The following BLOC1S3 variants were observed in gnomAD, a reference collection of about 807,000 sequenced individuals.
BLOC1S3 encodes the protein biogenesis of lysosomal organelles complex 1 subunit 3.
BLOC1S3 carries 7 observed loss-of-function variants against 9.1 expected under a neutral mutation model. That is an observed-to-expected ratio of 0.77 (90% CI 0.44 to 1.45). The LOEUF is 1.45. Ranked by LOEUF, BLOC1S3 falls within the 40% of genes most tolerant of loss-of-function variation. The pLI, the probability that BLOC1S3 is intolerant of heterozygous loss-of-function variation, is 0.01. For missense variants in BLOC1S3, 307 were observed against 315.2 expected (o/e 0.97, Z 0.20); for synonymous variants, 145 against 158.4 (o/e 0.92, Z 0.64).
rs1305176523 is a variant in BLOC1S3, at chr19:45,179,650, G to A, written c.354G>A (p.Ala118=). The A allele has an allele frequency of 1.5e-5, 22 of 1,469,346 alleles. No homozygotes were observed. Among genetic ancestry groups the A allele is most frequent in the Non-Finnish European group, 1.8e-5 (20 of 1,116,556 alleles). The allele number at this position is 1,469,346 out of a possible 1,614,324, so 91.0% of individuals were successfully genotyped here. Residue 118 remains alanine, a synonymous_variant, in exon 2 of 2, where the codon GCG becomes GCA. Coordinates refer to ENST00000433642, the MANE Select transcript of BLOC1S3 (RefSeq NM_212550.5). This position sits in a 1 kb window ranked among gnomAD's most constrained non-coding sequence, Gnocchi z 4.6. ...AACTTCGGCTGGCGGAGAGCCAGGC[G>A]CGGCTGGACCACGACGTGGCGGCCG... ...LLQLRLAESQ[A]RLDHDVAAAV...
chr19:45,191,742 G>A (rs545279684), intron 2 of BLOC1S3, among the ~76,000 whole-genome samples: 1 of 152,356 alleles, frequency 6.6e-6, no homozygotes, highest in South Asian at 2.1e-4. Context: ...GGATTATCAG[G>A]CAGAGATTCT....
chr19:45,213,674 G>A (rs913403823), intron 3 of BLOC1S3, among the ~76,000 whole-genome samples: 5 of 152,092 alleles, frequency 3.3e-5, no homozygotes, highest in South Asian at 2.1e-4. Flanking sequence ...GCTGGGTGCC[G>A]TGGCTCATGC....
chr19:45,210,914 C>T (rs1327485633), intron 3 of BLOC1S3, among the ~76,000 whole-genome samples: 1 of 151,994 alleles, frequency 6.6e-6, no homozygotes, highest in Non-Finnish European at 1.5e-5. Flanking sequence ...GGCTTGAGGC[C>T]AACCTGGTCA....
intron 3 of BLOC1S3, among the ~76,000 whole-genome samples, chr19:45,215,237 G>A (rs1480257361): frequency 1.3e-5 from 2 of 152,148 alleles, no homozygotes; most frequent in Non-Finnish European, 2.9e-5. Flanking sequence ...GTGGGAAGCC[G>A]AGGCAGGCAG....
intron 3 of BLOC1S3, among the ~76,000 whole-genome samples, chr19:45,208,227 C>T (rs1447525717): frequency 6.6e-6 from 1 of 151,970 alleles, no homozygotes; most frequent in African/African-American, 2.4e-5. Flanking sequence ...CCTCCTTGAC[C>T]TCCCAAAGTG....
At chr19:45,192,995 T>C (rs1228052566) in intron 2 of BLOC1S3, among the ~76,000 whole-genome samples, 2 of 150,640 alleles carry the variant, frequency 1.3e-5, no homozygotes, top group Non-Finnish European at 3.0e-5. Flanking sequence ...TAGCCGGGTG[T>C]TGTGGCACAC....
At chr19:45,211,133 C>T (rs1370299717) in intron 3 of BLOC1S3, among the ~76,000 whole-genome samples, 1 of 151,844 alleles carries the variant, frequency 6.6e-6, no homozygotes, top group Admixed American at 6.6e-5. Context: ...TAATAAATGT[C>T]TATGGACTGC....
chr19:45,211,994 C>T (rs1188854509), intron 3 of BLOC1S3, among the ~76,000 whole-genome samples: 2 of 152,138 alleles, frequency 1.3e-5, no homozygotes, highest in African/African-American at 4.8e-5. Context: ...CTGCGTCAAC[C>T]CAGGAGGGCG....
intron 2 of BLOC1S3, among the ~76,000 whole-genome samples, chr19:45,200,008 C>G (rs886878465): frequency 6.6e-6 from 1 of 151,992 alleles, no homozygotes; most frequent in South Asian, 2.1e-4. Context: ...TCAGGTGATC[C>G]AACCACTTCA....
At position 45,207,555 on chromosome 19, in the gene BLOC1S3, C is replaced by CAA. The variant is rs58164218; in HGVS notation, n.282+5078_282+5079dup. Among the ~76,000 whole-genome samples, 619 of 64,656 alleles carry CAA rather than the reference C, an allele frequency of 9.6e-3. 33 individuals are homozygous for CAA. Among genetic ancestry groups the CAA allele is most frequent in the Non-Finnish European group, 0.015 (419 of 27,860 alleles). The allele number at this position is 64,656 out of a possible 152,430, so 42.4% of individuals were successfully genotyped here. A position where few individuals can be genotyped will look rare whatever the true frequency, so the allele number is the denominator to read the frequency against. Reference sequence around the variant, plus strand: ...TGGGTGACAGAGCGAGACTCTGTCTCAAAAAAAAAAAAAAAAAAAAAAAAA... The same window carrying CAA: ...TGGGTGACAGAGCGAGACTCTGTCTCAAAAAAAAAAAAAAAAAAAAAAAAAAA... On this transcript the variant is annotated intron_variant and non_coding_transcript_variant, in intron 3 of 3. Coordinates refer to the BLOC1S3 transcript ENST00000591569.
chr19:45,206,177 G>A (rs112261488), intron 3 of BLOC1S3, among the ~76,000 whole-genome samples: 124 of 151,952 alleles, frequency 8.2e-4, no homozygotes, highest in African/African-American at 2.6e-3. Flanking sequence ...GTTAAACCCC[G>A]TATCTAGTAA....
In BLOC1S3 at chr19:45,179,724, C is replaced by T. The variant is rs557005035; in HGVS notation, c.428C>T (p.Ala143Val). Residue 143 changes from alanine to valine, a missense_variant, in exon 2 of 2, where the codon GCT becomes GTT. Transcript: ENST00000433642. This position sits in a 1 kb window ranked among gnomAD's most constrained non-coding sequence, Gnocchi z 4.6. ...RRAGRDVAAL[A>V]SRLAAAQAAG... ...GCAGGCCGCGACGTGGCCGCCCTGG[C>T]TAGTAGGCTGGCGGCAGCCCAGGCG... The T allele has an allele frequency of 2.3e-5, 34 of 1,463,748 alleles. No individual in the cohort carries two copies. The highest frequency in any genetic ancestry group is 3.0e-5 in the African/African-American group (2 of 67,484). The allele number at this position is 1,463,748 out of a possible 1,614,324, so 90.7% of individuals were successfully genotyped here.
intron 2 of BLOC1S3, among the ~76,000 whole-genome samples, chr19:45,202,210 TAAAAAAAAAAAAAA>T (rs59295257): frequency 1.8e-5 from 1 of 54,932 alleles, no homozygotes; most frequent in South Asian, 1.2e-3. Context: ...AGACTCCATC[TAAAAAAAAAAAAAA>T]AAAAAAAAAA....
intron 3 of BLOC1S3, chr19:45,216,024 G>T: frequency 1.2e-6 from 2 of 1,605,290 alleles, no homozygotes; most frequent in Non-Finnish European, 8.5e-7. Flanking sequence ...AGGCCGCCAG[G>T]AGACCTCGGC....
intron 2 of BLOC1S3, among the ~76,000 whole-genome samples, chr19:45,191,122 TA>T (rs1370021891): frequency 1.4e-5 from 2 of 146,790 alleles, no homozygotes; most frequent in African/African-American, 2.5e-5. Flanking sequence ...TTTTTTATTT[TA>T]TTTTTTTATT....
intron 3 of BLOC1S3, among the ~76,000 whole-genome samples, chr19:45,204,425 T>A (rs1969712930): frequency 6.6e-6 from 1 of 152,014 alleles, no homozygotes; most frequent in South Asian, 2.1e-4. Context: ...ACCCCTGACC[T>A]CAGGTGATCC....
In BLOC1S3 at chr19:45,201,003, A is replaced by G. The variant is rs113716158; in HGVS notation, n.181-1403A>G. Reference sequence around the variant, plus strand: ...GATCATCTGAGGTCGGGAGTTTGAGACCAGCCTGGCCAACATGGTGAAACC... The same window carrying G: ...GATCATCTGAGGTCGGGAGTTTGAGGCCAGCCTGGCCAACATGGTGAAACC... On this transcript the variant is annotated intron_variant and non_coding_transcript_variant, in intron 2 of 3. Coordinates refer to the BLOC1S3 transcript ENST00000591569. Among the ~76,000 whole-genome samples, 1,053 of 152,154 alleles carry G rather than the reference A, an allele frequency of 6.9e-3. 13 individuals are homozygous for G. The highest frequency in any genetic ancestry group is 0.024 in the African/African-American group (987 of 41,528).
At position 45,179,925 on chromosome 19, in the gene BLOC1S3, C is replaced by T. The variant is rs372509527; in HGVS notation, c.*20C>T. The T allele has an allele frequency of 5.0e-6, 8 of 1,603,506 alleles. No individual in the cohort carries two copies. The highest frequency in any genetic ancestry group is 6.0e-6 in the Non-Finnish European group (7 of 1,175,188). ...GCCTAGCCATGATTCTACTTCCCAA[C>T]CTGACTGCAATTTGGGGGTAGGCCT... On this transcript the variant is annotated 3_prime_UTR_variant, in exon 2 of 2. Coordinates refer to ENST00000433642, the MANE Select transcript of BLOC1S3 (RefSeq NM_212550.5). This position sits in a 1 kb window ranked among gnomAD's most constrained non-coding sequence, Gnocchi z 4.6.
chr19:45,215,922 T>G, intron 3 of BLOC1S3: 1 of 1,112,412 alleles, frequency 9.0e-7, no homozygotes, highest in Non-Finnish European at 1.2e-6. Flanking sequence ...GGAAATCTTA[T>G]TAATAATGCC....
Sources: gnomAD v4.1 joint callset for allele counts (sites outside exome capture counted in the v4.1 genomes callset) on GRCh38, gnomAD v4.1.1 for gene constraint, Gnocchi (gnomAD v3.1) non-coding constraint, MANE v1.5 for transcripts, NCBI Gene and HGNC (gene_info 2026-07-23, HGNC 2026-07-21) for gene names.